Variants in RECQL5 observed in about 807,000 individuals in gnomAD.
RECQL5 encodes the protein RecQ like helicase 5.
A neutral mutation model predicts 103.4 loss-of-function variants in RECQL5; 88 were observed. The ratio of observed to expected loss-of-function variants is 0.85; its 90% CI spans 0.72 to 1.02. RECQL5 has a LOEUF of 1.02. Among genes scored for constraint, RECQL5 ranks in the 50% least tolerant of loss-of-function variants. RECQL5 has a pLI of 0.00. For missense variants in RECQL5, 1,232 were observed against 1,284.3 expected, an observed-to-expected ratio of 0.96 and a Z score of 0.62; for synonymous variants, 552 against 507.9, an observed-to-expected ratio of 1.09 and a Z score of -1.17.
rs759252798 is a variant in RECQL5, at chr17:75,662,466, C to G, written c.771+13G>C. On this transcript the variant is annotated intron_variant, in intron 4 of 19. Coordinates refer to ENST00000317905, the MANE Select transcript of RECQL5 (RefSeq NM_004259.7). ...GCTCTAACAGCTGCTTGGCCTCCACCTCAATGCCTCACCCCTTTATCAGCC... is the reference window on the plus strand; with the variant it reads ...GCTCTAACAGCTGCTTGGCCTCCACGTCAATGCCTCACCCCTTTATCAGCC... The G allele has an allele frequency of 4.3e-6, 7 of 1,609,224 alleles. No homozygotes were observed. The highest frequency in any genetic ancestry group is 5.9e-6 in the Non-Finnish European group (7 of 1,176,942).
At chr17:75,659,530 A>C (rs1189558472) in intron 6 of RECQL5, among the ~76,000 whole-genome samples, 1 of 151,548 alleles carries the variant, frequency 6.6e-6, no homozygotes, top group Non-Finnish European at 1.5e-5. Context: ...CTAATTTTTA[A>C]TTTTATAGAG....
At position 75,640,890 on chromosome 17, in the gene RECQL5, C is replaced by T; in HGVS notation, c.1230-9222G>A. 6.5e-7 allele frequency: 1 copy of T among 1,544,998 alleles called. No individual in the cohort carries two copies. Among genetic ancestry groups the T allele is most frequent in the Non-Finnish European group, 8.7e-7 (1 of 1,146,854 alleles). ...AGGAAGGTCCAGGTGCAGCCGACAC[C>T]ACCATGACGGACGGGCGATGGCTGA... is the stretch of plus-strand genomic sequence containing the variant. On this transcript the variant is annotated intron_variant, in intron 8 of 19. Coordinates refer to ENST00000317905, the MANE Select transcript of RECQL5 (RefSeq NM_004259.7). The surrounding 1 kb of genome is among the most constrained non-coding windows in gnomAD (Gnocchi z 4.6).
chr17:75,635,829 G>T, intron 8 of RECQL5: 2 of 985,440 alleles, frequency 2.0e-6, no homozygotes, highest in Non-Finnish European at 2.4e-6. Context: ...CAAACACGCC[G>T]CCTGCTGCCA....
intron 7 of RECQL5, among the ~76,000 whole-genome samples, chr17:75,656,148 C>T (rs1175877778): frequency 6.6e-6 from 1 of 152,174 alleles, no homozygotes; most frequent in African/African-American, 2.4e-5. Context: ...GATCTCGGCT[C>T]ACCACAACCT....
In RECQL5 at chr17:75,665,175, G is replaced by A; in HGVS notation, c.131-3C>T. On this transcript the variant is annotated splice_polypyrimidine_tract_variant and splice_region_variant and intron_variant, in intron 2 of 19. Transcript: ENST00000317905. The stretch of plus-strand genomic sequence containing the variant: ...GCACACAAAGACGTCCTTGTTACCT[G>A]AAAAAATACAAGACAACAATATCTC... 1.9e-6 allele frequency: 3 copies of A among 1,605,370 alleles called. No homozygotes were observed. Among genetic ancestry groups the A allele is most frequent in the South Asian group, 1.1e-5 (1 of 89,022 alleles).
At chr17:75,666,875 G>A (rs1311601283) in intron 1 of RECQL5, 169 bp downstream of exon 1, 1 of 281,656 alleles carries the variant, frequency 3.6e-6, no homozygotes, top group Admixed American at 5.0e-5. Flanking sequence ...TGGAGAACGG[G>A]GAACCGTTTT....
In RECQL5 at chr17:75,640,048, T is replaced by C. The variant is rs76201164; in HGVS notation, c.1230-8380A>G. ...GGTGGAAGTCACCAGGGGTGCAATG[T>C]GTGAGACCTGACAAACTTGTTCTGC... is the stretch of plus-strand genomic sequence containing the variant. On this transcript the variant is annotated intron_variant, in intron 8 of 19. Coordinates refer to ENST00000317905, the MANE Select transcript of RECQL5 (RefSeq NM_004259.7). The surrounding 1 kb of genome is among the most constrained non-coding windows in gnomAD (Gnocchi z 4.6). 1.6e-3 allele frequency: 1,750 copies of C among 1,104,724 alleles called. 24 individuals are homozygous for C. The African/African-American group carries it at 0.025, about 16-fold the overall frequency. The allele number at this position is 1,104,724 out of a possible 1,614,324, so 68.4% of individuals were successfully genotyped here. A position where few individuals can be genotyped will look rare whatever the true frequency, so the allele number is the denominator to read the frequency against.
intron 8 of RECQL5, chr17:75,635,929 C>T: frequency 1.1e-6 from 1 of 899,278 alleles, no homozygotes; most frequent in Non-Finnish European, 1.3e-6. Flanking sequence ...GCTGTCTGGC[C>T]TGCGGGATGC....
Position 75,629,815 on chromosome 17 carries a change from C to G in RECQL5, c.1840G>C (p.Asp614His). ...KVADIHRASKDGQPYDMGGSA... is the reference protein window; with the variant it reads ...KVADIHRASKHGQPYDMGGSA... ...CCTCCCATGTCATAGGGCTGCCCAT[C>G]CTTGGAGGCTCTGTGGATATCGGCC... Residue 614 changes from aspartate to histidine, a missense_variant, in exon 15 of 20, where the codon GAT becomes CAT. Transcript: ENST00000317905. 1.2e-6 allele frequency: 2 copies of G among 1,612,842 alleles called. No homozygotes were observed. The highest frequency in any genetic ancestry group is 1.7e-5 in the Admixed American group (1 of 59,954).
chr17:75,638,563 A>C (rs2059371180), intron 8 of RECQL5: 1 of 152,118 alleles, frequency 6.6e-6, no homozygotes, highest in Admixed American at 6.5e-5. Flanking sequence ...CACCGCAGAC[A>C]CCCTAGGACA....
rs1030453304 is a variant in RECQL5, at chr17:75,664,068, A to AAG, written c.252+982_252+983insCT. 5.3e-5 allele frequency among the ~76,000 whole-genome samples: 8 copies of AAG among 151,702 alleles called. No individual in the cohort carries two copies. In the East Asian group the frequency reaches 5.8e-4, roughly 11 times the overall value. ...AAACTCCATCTCAAAAAAAAAAAAAAAAAAAGAAAGAAAGAAATTAATGTA... is the reference window on the plus strand; with the variant it reads ...AAACTCCATCTCAAAAAAAAAAAAAAAGAAAAAGAAAGAAAGAAATTAATGTA... On this transcript the variant is annotated intron_variant, in intron 3 of 19. Coordinates refer to ENST00000317905, the MANE Select transcript of RECQL5 (RefSeq NM_004259.7).
chr17:75,631,040 C>T lies in RECQL5; in HGVS notation c.1549-30G>A, dbSNP rs371224537. 4.7e-4 allele frequency: 758 copies of T among 1,612,762 alleles called. 1 individual carries two copies. Among genetic ancestry groups the T allele is most frequent in the Non-Finnish European group, 6.1e-4 (725 of 1,179,382 alleles). The stretch of plus-strand genomic sequence containing the variant: ...AGGACAACATGAAGGACCCATGAGG[C>T]GTCCTGCCCTGCCGCAGGACAGTCC... On this transcript the variant is annotated intron_variant, in intron 10 of 19. Transcript: ENST00000317905.
chr17:75,664,499 G>A (rs2051318420), intron 3 of RECQL5, among the ~76,000 whole-genome samples: 1 of 152,228 alleles, frequency 6.6e-6, no homozygotes, highest in Non-Finnish European at 1.5e-5. Flanking sequence ...TAACAAAGGA[G>A]GGTGAGGGAC....
At position 75,631,023 on chromosome 17, in the gene RECQL5, A is replaced by T. The variant is rs1259103794; in HGVS notation, c.1549-13T>A. 4 of 1,613,528 alleles carry T rather than the reference A, an allele frequency of 2.5e-6. No individual in the cohort carries two copies. The Admixed American group carries it at 6.7e-5, about 27-fold the overall frequency. On this transcript the variant is annotated splice_polypyrimidine_tract_variant and intron_variant, in intron 10 of 19. Coordinates refer to ENST00000317905, the MANE Select transcript of RECQL5 (RefSeq NM_004259.7). ...TGGGGTCTTTGCCCTGGAGGACAAC[A>T]TGAAGGACCCATGAGGCGTCCTGCC...
intron 8 of RECQL5, chr17:75,635,879 C>A: frequency 2.0e-6 from 2 of 985,426 alleles, no homozygotes; most frequent in Non-Finnish European, 2.4e-6. Flanking sequence ...AGTATCAGCT[C>A]TGCGAGGAGG....
chr17:75,630,931 C>T, intron 11 of RECQL5, 43 bp downstream of exon 11: 16 of 1,608,680 alleles, frequency 9.9e-6, no homozygotes, highest in Non-Finnish European at 1.4e-5. Context: ...CCTCCATGCC[C>T]CGGGAAGAGC....
chr17:75,644,860 C>A (rs2059472161), intron 8 of RECQL5, among the ~76,000 whole-genome samples: 1 of 151,568 alleles, frequency 6.6e-6, no homozygotes. Context: ...CCAATTGGGG[C>A]CGGCAGTTAA....
rs1431992681 is a variant in RECQL5, at chr17:75,666,430, T to C, written c.128A>G (p.Lys43Arg). The change falls in exon 2 of 20, where the codon AAA becomes AGA. Residue 43 changes from lysine to arginine, a missense_variant and splice_region_variant. Transcript: ENST00000317905. Reference protein sequence around the residue: ...LQESATMAVVKGNKDVFVCMP... With the variant: ...LQESATMAVVRGNKDVFVCMP... ...GGAAGGTAGCTTGGTAATGTTACCT[T>C]TTACTACAGCCATGGTCGCACTCTC... 1.2e-6 allele frequency: 2 copies of C among 1,613,742 alleles called. No individual in the cohort carries two copies. Among genetic ancestry groups the C allele is most frequent in the Non-Finnish European group, 1.7e-6 (2 of 1,179,898 alleles).
chr17:75,629,138 T>C lies in RECQL5; in HGVS notation c.2285A>G (p.Gln762Arg). Residue 762 changes from glutamine to arginine, a missense_variant, in exon 16 of 20, where the codon CAG becomes CGG. Transcript: ENST00000317905. ...TCGGCAGAAGAAGCGGGCGATGCTC[T>C]GAGAATCCTTGTGGGCCGCTGTGGC... Reference protein sequence around the residue: ...LLATAAHKDSQSIARFFCRRV... With the variant: ...LLATAAHKDSRSIARFFCRRV... 1 of 1,613,814 alleles carries C rather than the reference T, an allele frequency of 6.2e-7. No individual in the cohort carries two copies. The highest frequency in any genetic ancestry group is 8.5e-7 in the Non-Finnish European group (1 of 1,179,988).
Sources: gnomAD v4.1 joint callset for allele counts (sites outside exome capture counted in the v4.1 genomes callset) on GRCh38, gnomAD v4.1.1 for gene constraint, Gnocchi (gnomAD v3.1) non-coding constraint, MANE v1.5 for transcripts, NCBI Gene and HGNC (gene_info 2026-07-23, HGNC 2026-07-21) for gene names.